The following ST18 variants were observed in gnomAD, a reference collection of about 807,000 sequenced individuals.
The protein encoded by ST18 is ST18 C2H2C-type zinc finger transcription factor.
A neutral mutation model predicts 110.0 loss-of-function variants in ST18; 50 were observed. The ratio of observed to expected loss-of-function variants is 0.45; its 90% CI spans 0.36 to 0.58. ST18 has a LOEUF of 0.58. Ranked by LOEUF, ST18 falls within the 20% of genes least tolerant of loss-of-function variation. The probability of loss-of-function intolerance (pLI) is 0.00; values close to 1 mark genes in which losing one functional copy is unlikely to be tolerated. For synonymous variants in ST18, 461 were observed against 452.4 expected (o/e 1.02, Z -0.24); for missense variants, 1,306 against 1,280.1 (o/e 1.02, Z -0.31).
At chr8:52,213,874 TA>T (rs1406011793) in intron 7 of ST18, among the ~76,000 whole-genome samples, 1 of 152,196 alleles carries the variant, frequency 6.6e-6, no homozygotes, top group Non-Finnish European at 1.5e-5. Context: ...CCTTGGCCAT[TA>T]AAGGTCACTT....
chr8:52,150,373 T>C (rs1314669236), intron 15 of ST18, among the ~76,000 whole-genome samples: 1 of 152,090 alleles, frequency 6.6e-6, no homozygotes, highest in East Asian at 1.9e-4. Flanking sequence ...CACTCCCAAT[T>C]CATCATTTAA....
At chr8:52,130,134 A>AGAAC (rs1491107268) in intron 22 of ST18, among the ~76,000 whole-genome samples, 77 of 149,790 alleles carry the variant, frequency 5.1e-4, no homozygotes, top group African/African-American at 1.7e-3. Flanking sequence ...AAAGAAAGAA[A>AGAAC]GAAAGAAAGA....
intron 2 of ST18, among the ~76,000 whole-genome samples, chr8:52,400,222 C>A (rs1240023753): frequency 6.6e-6 from 1 of 151,992 alleles, no homozygotes; most frequent in Non-Finnish European, 1.5e-5. Flanking sequence ...TATAAACAGC[C>A]ATCTCTGCTC....
At chr8:52,306,487 C>T (rs550824640) in intron 2 of ST18, among the ~76,000 whole-genome samples, 40 of 151,934 alleles carry the variant, frequency 2.6e-4, no homozygotes, top group Non-Finnish European at 4.7e-4. Context: ...TACATGAAAA[C>T]AAATATTGTG....
At chr8:52,341,864 G>C (rs6473708) in intron 2 of ST18, among the ~76,000 whole-genome samples, 149,833 of 152,270 alleles carry the variant, frequency 0.98, 73,764 homozygotes, top group Middle Eastern at 1. Context: ...CCAGGGGAGG[G>C]GACAGCTGGT....
At chr8:52,340,226 C>T (rs2140185996) in intron 2 of ST18, among the ~76,000 whole-genome samples, 1 of 152,382 alleles carries the variant, frequency 6.6e-6, no homozygotes, top group African/African-American at 2.4e-5. Flanking sequence ...CAACATTATT[C>T]CAACACTGAA....
At chr8:52,250,844 A>T (rs2094258875) in intron 2 of ST18, among the ~76,000 whole-genome samples, 1 of 152,114 alleles carries the variant, frequency 6.6e-6, no homozygotes, top group South Asian at 2.1e-4. Context: ...AGTTAAAAAA[A>T]AATCCTCCAA....
Position 52,133,153 on chromosome 8 carries a change from G to A in ST18, c.2364-16C>T, listed in dbSNP as rs369234820. ...TCCGGACAAGCTGAAATAGGGACCC[G>A]ACAAAGAACAAAGCAAAATTATGTG... On this transcript the variant is annotated splice_polypyrimidine_tract_variant and intron_variant, in intron 20 of 25. Coordinates refer to ENST00000689386, the MANE Select transcript of ST18 (RefSeq NM_001352837.2). 8 of 1,614,118 alleles carry A rather than the reference G, an allele frequency of 5.0e-6. No homozygotes were observed. Among genetic ancestry groups the A allele is most frequent in the South Asian group, 4.4e-5 (4 of 91,072 alleles).
At chr8:52,131,531 T>C (rs1291993081) in intron 22 of ST18, among the ~76,000 whole-genome samples, 1 of 152,178 alleles carries the variant, frequency 6.6e-6, no homozygotes, top group Non-Finnish European at 1.5e-5. Context: ...AGTAGCAAAA[T>C]AACTACAATT....
In ST18 at chr8:52,132,015, G is replaced by A. The variant is rs758066358; in HGVS notation, c.2609C>T (p.Pro870Leu). Reference sequence around the variant, plus strand: ...GCCCAGCCCATTGCAGCCTGGCAAGGGACAATGTGGTAGCTCTTGTTTGTT... The same window carrying A: ...GCCCAGCCCATTGCAGCCTGGCAAGAGACAATGTGGTAGCTCTTGTTTGTT... ...KLNKQELPHC[P>L]LPGCNGLGHV... The change falls in exon 22 of 26, where the codon CCC becomes CTC. Residue 870 changes from proline (P) to leucine (L), a missense_variant. By Grantham distance (98) the Pro-to-Leu change is moderately conservative (BLOSUM62 -3). Transcript: ENST00000689386. 1 of 1,614,096 alleles carries A rather than the reference G, an allele frequency of 6.2e-7. No homozygotes were observed. The highest frequency in any genetic ancestry group is 8.5e-7 in the Non-Finnish European group (1 of 1,180,042).
At chr8:52,375,412 C>T (rs1472198691) in intron 2 of ST18, among the ~76,000 whole-genome samples, 3 of 152,004 alleles carry the variant, frequency 2.0e-5, no homozygotes, top group Non-Finnish European at 2.9e-5. Flanking sequence ...AATCCAAGGA[C>T]CTATTCTCAG....
At chr8:52,295,795 G>A (rs1258776905) in intron 2 of ST18, among the ~76,000 whole-genome samples, 3 of 149,910 alleles carry the variant, frequency 2.0e-5, no homozygotes, top group African/African-American at 7.4e-5. Context: ...GTTGAAACTG[G>A]ACTTGCAGCG....
chr8:52,286,469 T>C (rs1043545239), intron 2 of ST18, among the ~76,000 whole-genome samples: 3 of 152,220 alleles, frequency 2.0e-5, no homozygotes, highest in Non-Finnish European at 4.4e-5. Context: ...TCATGCATGA[T>C]GCTTTTCAAG....
intron 2 of ST18, among the ~76,000 whole-genome samples, chr8:52,258,337 G>T (rs1239191772): frequency 2.0e-5 from 3 of 152,124 alleles, no homozygotes; most frequent in Non-Finnish European, 4.4e-5. Flanking sequence ...TTTTGATAGG[G>T]TATGTATTAA....
At chr8:52,237,404 A>G (rs185466106) in intron 2 of ST18, among the ~76,000 whole-genome samples, 23 of 152,314 alleles carry the variant, frequency 1.5e-4, no homozygotes, top group Admixed American at 4.6e-4. Context: ...TGCTTTATGT[A>G]TATTAACTCA....
intron 3 of ST18, among the ~76,000 whole-genome samples, chr8:52,222,500 C>G (rs891712153): frequency 2.6e-5 from 4 of 152,126 alleles, no homozygotes; most frequent in African/African-American, 9.7e-5. Flanking sequence ...CAGCTGAGAT[C>G]GGCTTGGAGA....
intron 10 of ST18, among the ~76,000 whole-genome samples, chr8:52,169,395 G>T (rs1017576636): frequency 2.6e-5 from 4 of 152,138 alleles, no homozygotes; most frequent in Non-Finnish European, 5.9e-5. Context: ...TCATAGGCAG[G>T]ACAGTCAATG....
rs2058301936 is a variant in ST18 at position 52,149,734 on chromosome 8, C to T, written c.2050G>A (p.Glu684Lys). 1.2e-6 allele frequency: 2 copies of T among 1,613,410 alleles called. No homozygotes were observed. The highest frequency in any genetic ancestry group is 1.3e-5 in the African/African-American group (1 of 74,930). Residue 684 changes from glutamate (E) to lysine (K), a missense_variant and splice_region_variant, in exon 16 of 26, where the codon GAG becomes AAG. Glu to Lys is a moderately conservative substitution (Grantham distance 56). Transcript: ENST00000689386. ...TGATTGACATATGGAAACAATACCT[C>T]TTTCTCCTCCTCTGTCTTCCCGTGA... ...KTHGKTEEEK[E>K]KDPVSSLENL...
Position 52,161,568 on chromosome 8 carries a change from C to A in ST18, c.1401G>T (p.Arg467Ser). 6.2e-7 allele frequency: 1 copy of A among 1,613,860 alleles called. No individual in the cohort carries two copies. Among genetic ancestry groups the A allele is most frequent in the Non-Finnish European group, 8.5e-7 (1 of 1,179,908 alleles). Residue 467 changes from arginine (R) to serine (S), a missense_variant and splice_region_variant, in exon 14 of 26, where the codon AGG (arginine) becomes AGT (serine). By Grantham distance (110) the Arg-to-Ser change is moderately radical. Transcript: ENST00000689386. ...QTGQCPDQAH[R>S]TSLVKQIEFN... ...ATTCAATTTGCTTCACCAAACTTGT[C>A]CTGGAGAGGGGGGTGAAGCAGTTCA...
Sources: allele counts gnomAD v4.1 joint callset (sites outside exome capture counted in the v4.1 genomes callset), GRCh38; gene constraint gnomAD v4.1.1; transcripts MANE v1.5; gene names NCBI Gene and HGNC (gene_info 2026-07-23, HGNC 2026-07-21).